Variants in ARHGEF10L observed in about 807,000 individuals in gnomAD.
The protein encoded by ARHGEF10L is rho guanine nucleotide exchange factor 10-like protein.
Under a neutral mutation model 141.2 loss-of-function variants are expected in ARHGEF10L, and 69 were observed. The observed-to-expected ratio is 0.49, with a 90% confidence interval of 0.40 to 0.60. ARHGEF10L has a LOEUF of 0.60. Among genes scored for constraint, ARHGEF10L ranks in the 20% least tolerant of loss-of-function variants. The pLI is 0.00. For missense variants in ARHGEF10L, 1,482 were observed against 1,734.3 expected, an observed-to-expected ratio of 0.85 and a Z score of 2.58; for synonymous variants, 711 against 718.5, an observed-to-expected ratio of 0.99 and a Z score of 0.17.
rs2060312008 is a variant in ARHGEF10L at position 17,625,123 on chromosome 1, C to G, written c.1317+620C>G. 6.6e-6 allele frequency among the ~76,000 whole-genome samples: 1 copy of G among 152,214 alleles called. No homozygotes were observed. Among genetic ancestry groups the G allele is most frequent in the Non-Finnish European group, 1.5e-5 (1 of 68,040 alleles). Reference sequence around the variant, plus strand: ...GATGCCACGGCCTCAGTGGAGGAACCCACTGTCCCCATCAAAGAGAACAGG... The same window carrying G: ...GATGCCACGGCCTCAGTGGAGGAACGCACTGTCCCCATCAAAGAGAACAGG... On this transcript the variant is annotated intron_variant, in intron 13 of 28. Coordinates refer to ENST00000361221, the MANE Select transcript of ARHGEF10L (RefSeq NM_018125.4). The surrounding 1 kb of genome is among the most constrained non-coding windows in gnomAD (Gnocchi z 4.5).
At chr1:17,648,532 C>T in intron 21 of ARHGEF10L, 22 bp from the exon 22 acceptor site, 1 of 1,612,942 alleles carries the variant, frequency 6.2e-7, no homozygotes. Context: ...CAGCTCTACC[C>T]ACCTCCTTCC....
At chr1:17,680,247 C>T (rs999994427) in intron 26 of ARHGEF10L, among the ~76,000 whole-genome samples, 1 of 152,256 alleles carries the variant, frequency 6.6e-6, no homozygotes, top group Non-Finnish European at 1.5e-5. Context: ...GCCCCACCAG[C>T]ATCCTGCTGT....
intron 2 of ARHGEF10L, 95 bp from the exon 3 acceptor site, chr1:17,587,365 C>T: frequency 3.1e-6 from 4 of 1,282,600 alleles, no homozygotes; most frequent in Non-Finnish European, 4.3e-6. Context: ...CTGAGGTGCT[C>T]ACCCAGTTCC....
Position 17,639,720 on chromosome 1 carries a change from A to G in ARHGEF10L, c.2172-482A>G, listed in dbSNP as rs1418873198. The G allele has an allele frequency of 3.0e-6, 2 of 675,110 alleles. No homozygotes were observed. Among genetic ancestry groups the G allele is most frequent in the Non-Finnish European group, 4.6e-6 (2 of 432,088 alleles). 41.8% of individuals were successfully genotyped at this position (675,110 alleles called of 1,614,324 possible). A position where few individuals can be genotyped will look rare whatever the true frequency, so the allele number is the denominator to read the frequency against. On this transcript the variant is annotated intron_variant, in intron 20 of 28. Transcript: ENST00000361221. The surrounding 1 kb of genome is among the most constrained non-coding windows in gnomAD (Gnocchi z 4.3). ...TTGCCCCAAGCTGGTGCTTAACCTG[A>G]TTCATTCATTTCTTCATTCATTCCT...
intron 2 of ARHGEF10L, among the ~76,000 whole-genome samples, chr1:17,586,767 T>C (rs1452765311): frequency 1.3e-5 from 2 of 151,950 alleles, no homozygotes; most frequent in African/African-American, 4.8e-5. Flanking sequence ...ACACCTCCTG[T>C]AGTAGGGTAG....
chr1:17,563,149 C>T lies in ARHGEF10L; in HGVS notation c.-43-17404C>T, dbSNP rs968583597. 2.6e-5 allele frequency among the ~76,000 whole-genome samples: 4 copies of T among 151,702 alleles called. No homozygotes were observed. In the South Asian group the frequency reaches 6.3e-4, roughly 24 times the overall value. ...GGGGGTATGATGTGGGTCAGTGATT[C>T]GGGCTTAGAGTGGGGGGCATTTATG... On this transcript the variant is annotated intron_variant, in intron 1 of 28. Coordinates refer to ENST00000361221, the MANE Select transcript of ARHGEF10L (RefSeq NM_018125.4).
chr1:17,679,753 C>G (rs559320299), intron 26 of ARHGEF10L, among the ~76,000 whole-genome samples: 3 of 152,178 alleles, frequency 2.0e-5, no homozygotes, highest in African/African-American at 7.2e-5. Flanking sequence ...CCTTTGCTGG[C>G]GGGGTGGCCC....
Position 17,561,269 on chromosome 1 carries a change from TC to T in ARHGEF10L, c.-43-19277del, listed in dbSNP as rs149735551. On this transcript the variant is annotated intron_variant, in intron 1 of 28. Transcript: ENST00000361221. ...AGGGCTGCTTCCCCTGCCCTGCACCTCCCCCCCGCCCCGTCATGCTGGCAGC... is the reference window on the plus strand; with the variant it reads ...AGGGCTGCTTCCCCTGCCCTGCACCTCCCCCCGCCCCGTCATGCTGGCAGC... Among the ~76,000 whole-genome samples the T allele has an allele frequency of 5.9e-5, 9 of 151,618 alleles. No individual in the cohort carries two copies. The East Asian group carries it at 1.6e-3, about 26-fold the overall frequency.
At chr1:17,609,102 T>C (rs1290837759) in intron 7 of ARHGEF10L, among the ~76,000 whole-genome samples, 1 of 152,170 alleles carries the variant, frequency 6.6e-6, no homozygotes, top group African/African-American at 2.4e-5. Context: ...TTTTAAAAGA[T>C]GTAGCGGGGC....
intron 6 of ARHGEF10L, among the ~76,000 whole-genome samples, chr1:17,605,117 CTGT>C (rs2081052302): frequency 6.6e-6 from 1 of 152,166 alleles, no homozygotes. Context: ...GCCACTGTTG[CTGT>C]TGTTGTTAGT....
At chr1:17,557,033 T>TAAAAAA (rs370811589) in intron 1 of ARHGEF10L, among the ~76,000 whole-genome samples, 3 of 119,074 alleles carry the variant, frequency 2.5e-5, no homozygotes, top group Non-Finnish European at 3.5e-5. Context: ...CTCCATCTCT[T>TAAAAAA]AAAAAAAAAA....
At chr1:17,640,400 G>A (rs1214722873) in intron 21 of ARHGEF10L, 98 bp downstream of exon 21, 6 of 1,050,430 alleles carry the variant, frequency 5.7e-6, no homozygotes, top group South Asian at 1.6e-5. Context: ...CGGGGTCAGC[G>A]GGGGGCAGGG....
intron 4 of ARHGEF10L, among the ~76,000 whole-genome samples, chr1:17,598,102 C>CTTTT (rs553934561): frequency 7.2e-6 from 1 of 139,046 alleles, no homozygotes; most frequent in Non-Finnish European, 1.6e-5. Flanking sequence ...ACAAGAGAAA[C>CTTTT]TTTTTTTTTT....
chr1:17,672,919 C>T (rs1379675058), intron 26 of ARHGEF10L, among the ~76,000 whole-genome samples: 1 of 152,066 alleles, frequency 6.6e-6, no homozygotes, highest in South Asian at 2.1e-4. Flanking sequence ...TCTTGTGGGG[C>T]AGTAGATGGC....
chr1:17,607,672 A>G lies in ARHGEF10L; in HGVS notation c.434-130A>G. 2 of 878,178 alleles carry G rather than the reference A, an allele frequency of 2.3e-6. No individual in the cohort carries two copies. The highest frequency in any genetic ancestry group is 4.6e-5 in the South Asian group (2 of 43,704). The allele number at this position is 878,178 out of a possible 1,614,324, so 54.4% of individuals were successfully genotyped here. On this transcript the variant is annotated intron_variant, in intron 6 of 28. Coordinates refer to ENST00000361221, the MANE Select transcript of ARHGEF10L (RefSeq NM_018125.4). The surrounding 1 kb of genome is among the most constrained non-coding windows in gnomAD (Gnocchi z 4.5). Reference sequence around the variant, plus strand: ...TTCATGGTTGAGGAGGTAGAGCTGGAGCCCCAGGGCCCCCATGTTCTCCCT... The same window carrying G: ...TTCATGGTTGAGGAGGTAGAGCTGGGGCCCCAGGGCCCCCATGTTCTCCCT...
rs1014550586 is a variant in ARHGEF10L at position 17,607,509 on chromosome 1, G to A, written c.434-293G>A. 6.6e-5 allele frequency among the ~76,000 whole-genome samples: 10 copies of A among 152,174 alleles called. No homozygotes were observed. The South Asian group carries it at 1.0e-3, about 16-fold the overall frequency. ...ATTGCCAAGGAGGCTCACAATGAGC[G>A]CTGAGACCATACAAAAGCAGTGCTG... On this transcript the variant is annotated intron_variant, in intron 6 of 28. Coordinates refer to ENST00000361221, the MANE Select transcript of ARHGEF10L (RefSeq NM_018125.4). This position sits in a 1 kb window ranked among gnomAD's most constrained non-coding sequence, Gnocchi z 4.5.
intron 4 of ARHGEF10L, among the ~76,000 whole-genome samples, chr1:17,597,454 C>A (rs566064730): frequency 6.6e-6 from 1 of 152,216 alleles, no homozygotes; most frequent in African/African-American, 2.4e-5. Flanking sequence ...ACAGGAGGGG[C>A]CCCCAGCCTC....
At chr1:17,662,170 G>C (rs190579270) in intron 25 of ARHGEF10L, among the ~76,000 whole-genome samples, 1 of 152,164 alleles carries the variant, frequency 6.6e-6, no homozygotes, top group Non-Finnish European at 1.5e-5. Context: ...GGTTGTCTCC[G>C]TTATGAACAG....
At chr1:17,534,183 C>T in the ARHGEF10L span, among the ~76,000 whole-genome samples, 5 of 151,908 alleles carry the variant, frequency 3.3e-5, no homozygotes, top group African/African-American at 7.3e-5. Flanking sequence ...AGTGCAGTGG[C>T]GTGATTTCAG....
Sources: gnomAD v4.1 joint callset for allele counts (sites outside exome capture counted in the v4.1 genomes callset) on GRCh38, gnomAD v4.1.1 for gene constraint, Gnocchi (gnomAD v3.1) non-coding constraint, MANE v1.5 for transcripts, NCBI Gene and HGNC (gene_info 2026-07-23, HGNC 2026-07-21) for gene names.